Variants in DAB1 observed in about 807,000 individuals in gnomAD.
The protein encoded by DAB1 is DAB adaptor protein 1.
In DAB1, 15 loss-of-function variants were observed where a neutral mutation model predicts 64.6. The ratio of observed to expected loss-of-function variants is 0.23; its 90% CI spans 0.16 to 0.36. DAB1 has a LOEUF of 0.36. DAB1 is among the 10% of genes least tolerant of loss of function. The pLI, the probability that DAB1 is intolerant of heterozygous loss-of-function variation, is 1.00. For synonymous variants in DAB1, 235 were observed against 251.9 expected, an observed-to-expected ratio of 0.93 and a Z score of 0.64; for missense variants, 596 against 706.7, an observed-to-expected ratio of 0.84 and a Z score of 1.78.
At chr1:58,398,725 A>C (rs931306344) in intron 3 of DAB1, among the ~76,000 whole-genome samples, 9 of 152,224 alleles carry the variant, frequency 5.9e-5, no homozygotes, top group African/African-American at 2.2e-4. Flanking sequence ...AATTTGCCCA[A>C]GTTCCCAACC....
intron 2 of DAB1, among the ~76,000 whole-genome samples, chr1:57,243,401 CT>C (rs1558010541): frequency 6.6e-6 from 1 of 152,132 alleles, no homozygotes; most frequent in Non-Finnish European, 1.5e-5. Flanking sequence ...TTTCCCAATA[CT>C]TTTTGCCCCT....
intron 3 of DAB1, among the ~76,000 whole-genome samples, chr1:58,489,966 G>A (rs1197481565): frequency 1.3e-5 from 2 of 152,062 alleles, no homozygotes; most frequent in Admixed American, 1.3e-4. Flanking sequence ...AAAGACCAAA[G>A]GTAGATAAAA....
At chr1:58,460,837 G>C (rs950558490) in intron 3 of DAB1, among the ~76,000 whole-genome samples, 15 of 152,174 alleles carry the variant, frequency 9.9e-5, no homozygotes, top group Non-Finnish European at 2.9e-5. Context: ...AGATGAAAAT[G>C]AATGCTCAGT....
intron 11 of DAB1, among the ~76,000 whole-genome samples, chr1:57,020,102 C>G (rs760277970): frequency 1.1e-4 from 16 of 151,894 alleles, no homozygotes; most frequent in Non-Finnish European, 1.6e-4. Flanking sequence ...AAGAACAAAA[C>G]AGTCACCAAA....
rs1279086593 is a variant in DAB1 at position 58,313,380 on chromosome 1, A to G, written n.309+29972T>C. On this transcript the variant is annotated intron_variant and non_coding_transcript_variant, in intron 4 of 20. Transcript: ENST00000485760. ...AGTGGTTACCAGAACCCAGCCCATGACAGGGACACAGACCTGTGGCTGACA... is the reference window on the plus strand; with the variant it reads ...AGTGGTTACCAGAACCCAGCCCATGGCAGGGACACAGACCTGTGGCTGACA... 3.9e-5 allele frequency among the ~76,000 whole-genome samples: 6 copies of G among 152,132 alleles called. No homozygotes were observed. The East Asian group carries it at 1.2e-3, about 29-fold the overall frequency.
chr1:57,026,622 A>G (rs1236182505), intron 9 of DAB1, among the ~76,000 whole-genome samples: 1 of 152,242 alleles, frequency 6.6e-6, no homozygotes, highest in Non-Finnish European at 1.5e-5. Context: ...GCAGTCAAAC[A>G]GCACTCTCTG....
intron 2 of DAB1, among the ~76,000 whole-genome samples, chr1:57,215,131 A>G (rs932419963): frequency 6.6e-6 from 1 of 152,126 alleles, no homozygotes; most frequent in Non-Finnish European, 1.5e-5. Flanking sequence ...GTGAGAGTCC[A>G]GTTATCCCAC....
At chr1:57,985,909 C>T (rs946783850) in intron 5 of DAB1, among the ~76,000 whole-genome samples, 1 of 152,296 alleles carries the variant, frequency 6.6e-6, no homozygotes, top group East Asian at 1.9e-4. Context: ...CTGCAAGGAG[C>T]TTCCCATCTA....
intron 4 of DAB1, among the ~76,000 whole-genome samples, chr1:57,097,053 C>T (rs1654231171): frequency 6.6e-6 from 1 of 152,094 alleles, no homozygotes; most frequent in African/African-American, 2.4e-5. Context: ...AATATATCCT[C>T]AGTACCCAGA....
intron 7 of DAB1, among the ~76,000 whole-genome samples, chr1:57,568,368 A>G (rs1162020709): frequency 6.6e-6 from 1 of 152,216 alleles, no homozygotes; most frequent in Admixed American, 6.5e-5. Context: ...AGGCATGGGC[A>G]AGGACTTCAT....
intron 2 of DAB1, among the ~76,000 whole-genome samples, chr1:57,197,355 A>AG (rs1553154911): frequency 4.5e-4 from 68 of 149,908 alleles, no homozygotes; most frequent in Admixed American, 4.6e-4. Context: ...AAAAAAAAAA[A>AG]AAAGAAAGAA....
Position 57,655,384 on chromosome 1 carries a change from C to T in DAB1, n.552-5719G>A, listed in dbSNP as rs1178230444. On this transcript the variant is annotated intron_variant and non_coding_transcript_variant, in intron 6 of 20. Coordinates refer to the DAB1 transcript ENST00000485760. ...TCTAACCATCCATCATCCATCCATC[C>T]ATTCATCCTCCACTCTCCAGTCTTC... Among the ~76,000 whole-genome samples the T allele has an allele frequency of 2.4e-4, 36 of 152,116 alleles. 1 individual carries two copies. The highest frequency in any genetic ancestry group is 2.4e-3 in the Admixed American group (36 of 15,272).
At chr1:57,381,544 C>T (rs1367873026) in intron 1 of DAB1, among the ~76,000 whole-genome samples, 1 of 152,138 alleles carries the variant, frequency 6.6e-6, no homozygotes, top group Non-Finnish European at 1.5e-5. Flanking sequence ...TCTCTCTTTT[C>T]ATATGGATGA....
At chr1:57,066,330 AT>A (rs1203327671) in intron 8 of DAB1, among the ~76,000 whole-genome samples, 40 of 152,320 alleles carry the variant, frequency 2.6e-4, no homozygotes, top group African/African-American at 8.7e-4. Context: ...AATGATAGTC[AT>A]TGTAGCTGTT....
intron 6 of DAB1, among the ~76,000 whole-genome samples, chr1:57,670,606 A>G (rs1646498866): frequency 6.6e-6 from 1 of 152,166 alleles, no homozygotes; most frequent in Non-Finnish European, 1.5e-5. Context: ...ATGCTGGCTA[A>G]CTGTTGGAAA....
intron 13 of DAB1, 106 bp from the exon 14 acceptor site, chr1:57,010,896 AGGGTGCAAC>A (rs904030131): frequency 1.1e-6 from 1 of 943,952 alleles, no homozygotes; most frequent in Non-Finnish European, 1.6e-6. Context: ...ATTGTAAAGG[AGGGTGCAAC>A]GGCATTTAGA....
At chr1:57,916,397 G>A (rs1381311590) in intron 5 of DAB1, among the ~76,000 whole-genome samples, 1 of 152,160 alleles carries the variant, frequency 6.6e-6, no homozygotes, top group African/African-American at 2.4e-5. Context: ...ATTTCTTCAT[G>A]TTCAAAAACC....
intron 4 of DAB1, among the ~76,000 whole-genome samples, chr1:57,085,060 G>C (rs1328046895): frequency 6.6e-6 from 1 of 152,060 alleles, no homozygotes; most frequent in Non-Finnish European, 1.5e-5. Context: ...CTTACCTTAG[G>C]GTCTCAGCAG....
rs563047584 is a variant in DAB1 at position 58,374,003 on chromosome 1, T to C, written n.258-30600A>G. On this transcript the variant is annotated intron_variant and non_coding_transcript_variant, in intron 3 of 20. Coordinates refer to the DAB1 transcript ENST00000485760. ...TTTTGAGAAGTGTCTGTTCATGTCC[T>C]TCGCCCACTTTTTGATGGGGTTCTT... Among the ~76,000 whole-genome samples the C allele has an allele frequency of 5.1e-4, 62 of 120,880 alleles. 1 individual carries two copies. In the South Asian group the frequency reaches 0.017, roughly 34 times the overall value. The allele number at this position is 120,880 out of a possible 152,430, so 79.3% of individuals were successfully genotyped here.
Sources: gnomAD v4.1 joint callset for allele counts (sites outside exome capture counted in the v4.1 genomes callset) on GRCh38, gnomAD v4.1.1 for gene constraint, MANE v1.5 for transcripts, NCBI Gene and HGNC (gene_info 2026-07-23, HGNC 2026-07-21) for gene names.